The following SIX4 variants were observed in gnomAD, a reference collection of about 807,000 sequenced individuals.
SIX4 encodes homeobox protein SIX4.
A neutral mutation model predicts 51.5 loss-of-function variants in SIX4; 23 were observed. The ratio of observed to expected loss-of-function variants is 0.45; its 90% CI spans 0.32 to 0.63. SIX4 has a LOEUF of 0.63. Among genes scored for constraint, SIX4 ranks in the 30% least tolerant of loss-of-function variants. The pLI is 0.04. For missense variants in SIX4, 867 were observed against 984.0 expected (o/e 0.88, Z 1.59); for synonymous variants, 413 against 417.3 (o/e 0.99, Z 0.13).
rs1191060300 is a variant in SIX4, at chr14:60,711,449, T to C, written c.*1958A>G. The C allele has an allele frequency of 1.3e-5, 2 of 151,922 alleles. No homozygotes were observed. Among genetic ancestry groups the C allele is most frequent in the African/African-American group, 2.4e-5 (1 of 41,332 alleles). The allele number at this position is 151,922 out of a possible 1,614,324, so 9.4% of individuals were successfully genotyped here. On this transcript the variant is annotated 3_prime_UTR_variant, in exon 3 of 3. Coordinates refer to ENST00000216513, the MANE Select transcript of SIX4 (RefSeq NM_017420.5). ...ATTCAACATGCTTGATTGATTGACATGTAGAGAACTAGAGTGGGCCCTTTG... is the reference window on the plus strand; with the variant it reads ...ATTCAACATGCTTGATTGATTGACACGTAGAGAACTAGAGTGGGCCCTTTG...
At position 60,719,958 on chromosome 14, in the gene SIX4, T is replaced by G; in HGVS notation, c.1351A>C (p.Thr451Pro). Residue 451 changes from threonine (T) to proline (P), a missense_variant, in exon 2 of 3, where the codon ACT becomes CCT. Thr to Pro is a conservative substitution (Grantham distance 38, BLOSUM62 -1). Coordinates refer to ENST00000216513, the MANE Select transcript of SIX4 (RefSeq NM_017420.5). This position sits in a 1 kb window ranked among gnomAD's most constrained non-coding sequence, Gnocchi z 4.9. The stretch of plus-strand genomic sequence containing the variant: ...TGAATGCCTTCTCTTTTCACCTCAG[T>G]GCTGGGTATCAGGCCTGGGAATGAG... ...PVSFPGLIPS[T>P]EVKREGIQTV... The G allele has an allele frequency of 1.2e-6, 2 of 1,614,200 alleles. No homozygotes were observed. Among genetic ancestry groups the G allele is most frequent in the Non-Finnish European group, 1.7e-6 (2 of 1,180,036 alleles).
chr14:60,724,340 A>T lies in SIX4; in HGVS notation c.-266T>A. 3 of 1,456,822 alleles carry T rather than the reference A, an allele frequency of 2.1e-6. No homozygotes were observed. In the South Asian group the frequency reaches 3.6e-5, roughly 18 times the overall value. The allele number at this position is 1,456,822 out of a possible 1,614,324, so 90.2% of individuals were successfully genotyped here. A position where few individuals can be genotyped will look rare whatever the true frequency, so the allele number is the denominator to read the frequency against. On this transcript the variant is annotated 5_prime_UTR_variant, in exon 1 of 3. An upstream start codon of the reference 5' UTR is lost. Transcript: ENST00000216513. ...CCAACGTGACTCCTCCGGTTGCTGC[A>T]TACTATATGGCAGTGGCGGCCGGGC...
rs1037855528 is a variant in SIX4 at position 60,713,815 on chromosome 14, C to T, written c.1938G>A (p.Pro646=). The change falls in exon 3 of 3, where the codon CCG becomes CCA. Residue 646 remains proline, a synonymous_variant. Transcript: ENST00000216513. Reference sequence around the variant, plus strand: ...ATGTCACAGTAGATTTGCTTGCCACCGGTGCAGACATTGGTTGGCTATCGG... The same window carrying T: ...ATGTCACAGTAGATTTGCTTGCCACTGGTGCAGACATTGGTTGGCTATCGG... ...DIADSQPMSA[P]VASKSTVTSV... The T allele has an allele frequency of 8.7e-6, 14 of 1,614,008 alleles. No individual in the cohort carries two copies. The highest frequency in any genetic ancestry group is 1.3e-5 in the African/African-American group (1 of 74,896).
rs762466451 is a variant in SIX4 at position 60,724,054 on chromosome 14, G to A, written c.21C>T (p.Thr7=). The A allele has an allele frequency of 6.5e-7, 1 of 1,542,244 alleles. No individual in the cohort carries two copies. The highest frequency in any genetic ancestry group is 2.0e-5 in the Admixed American group (1 of 51,156). Residue 7 remains threonine, a synonymous_variant, in exon 1 of 3, where the codon ACC becomes ACT. Coordinates refer to ENST00000216513, the MANE Select transcript of SIX4 (RefSeq NM_017420.5). MSSSSP[T]GQIASAADIK... The stretch of plus-strand genomic sequence containing the variant: ...TGTCCGCCGCACTTGCGATCTGCCC[G>A]GTGGGGGAGGAAGAGGACATTTTTT...
chr14:60,721,804 G>A (rs1382158885), intron 1 of SIX4, among the ~76,000 whole-genome samples: 1 of 152,260 alleles, frequency 6.6e-6, no homozygotes, highest in Non-Finnish European at 1.5e-5. Context: ...GGGATCCGCG[G>A]CCTCTAGTGG....
At position 60,713,473 on chromosome 14, in the gene SIX4, T is replaced by C; in HGVS notation, c.2280A>G (p.Glu760=). ...GCTTGGCAAGCTCTTTTTTGTCTGT[T>C]TCCAGGTCTTCACAGACAGTATCAA... ...GMVDTVCEDL[E]TDKKELAKLQ... is the part of the protein sequence containing the mutation. Residue 760 remains glutamate (E), a synonymous_variant, in exon 3 of 3, where the codon GAA becomes GAG. Transcript: ENST00000216513. 1 of 1,614,192 alleles carries C rather than the reference T, an allele frequency of 6.2e-7. No individual in the cohort carries two copies.
rs1351922339 is a variant in SIX4 at position 60,713,530 on chromosome 14, G to A, written c.2223C>T (p.Asp741=). The A allele has an allele frequency of 5.6e-6, 9 of 1,614,086 alleles. No homozygotes were observed. In the African/African-American group the frequency reaches 8.0e-5, roughly 14 times the overall value. ...CATCTAAGACATACTTGGATTTAGA[G>A]TCCAGCATCATTAAGCTACTTGTTG... ...SKATSSLMML[D]SKSKYVLDGM... is the part of the protein sequence containing the mutation. Residue 741 remains aspartate (D), a synonymous_variant, in exon 3 of 3, where the codon GAC becomes GAT. Coordinates refer to ENST00000216513, the MANE Select transcript of SIX4 (RefSeq NM_017420.5).
chr14:60,722,908 A>C lies in SIX4; in HGVS notation c.863+304T>G. On this transcript the variant is annotated intron_variant, in intron 1 of 2. Transcript: ENST00000216513. The surrounding 1 kb of genome is among the most constrained non-coding windows in gnomAD (Gnocchi z 5.9). ...GGGTGGCAACTTCAAAGCCAGCGGG[A>C]TGGGGGTGGGAAGCTGGGCAGCAGT... is the stretch of plus-strand genomic sequence containing the variant. 8.1e-5 allele frequency: 21 copies of C among 257,740 alleles called. No individual in the cohort carries two copies. Among genetic ancestry groups the C allele is most frequent in the Admixed American group, 2.4e-4 (3 of 12,296 alleles). The allele number at this position is 257,740 out of a possible 1,614,324, so 16.0% of individuals were successfully genotyped here.
At chr14:60,721,145 C>G in intron 1 of SIX4, 1 of 985,636 alleles carries the variant, frequency 1.0e-6, no homozygotes, top group Non-Finnish European at 1.2e-6. Context: ...ATCCAGTGCC[C>G]TGGTGAGGTG....
Position 60,720,232 on chromosome 14 carries a change from A to G in SIX4, c.1077T>C (p.Thr359=). ...AATTTCCATTAAGGAAGACAGGTGA[A>G]GTACTTGCAGGTACCAAGCTTCCAT... The part of the protein sequence containing the change: ...LLNGSLVPAS[T]SPVFLNGNSF... Residue 359 remains threonine, a synonymous_variant, in exon 2 of 3, where the codon ACT becomes ACC. Transcript: ENST00000216513. The surrounding 1 kb of genome is among the most constrained non-coding windows in gnomAD (Gnocchi z 5.5). 1 of 1,614,250 alleles carries G rather than the reference A, an allele frequency of 6.2e-7. No homozygotes were observed. Among genetic ancestry groups the G allele is most frequent in the Middle Eastern group, 1.6e-4 (1 of 6,062 alleles).
In SIX4 at chr14:60,724,145, C is replaced by T; in HGVS notation, c.-71G>A. On this transcript the variant is annotated 5_prime_UTR_variant, in exon 1 of 3. Coordinates refer to ENST00000216513, the MANE Select transcript of SIX4 (RefSeq NM_017420.5). ...TTCCTCTTTCTTTCCTCCTCTCTTA[C>T]TCCTCCTCCTTCGTCTCCCTCCCTC... 6.2e-7 allele frequency: 1 copy of T among 1,606,258 alleles called. No individual in the cohort carries two copies. Among genetic ancestry groups the T allele is most frequent in the East Asian group, 2.2e-5 (1 of 44,792 alleles).
At position 60,720,425 on chromosome 14, in the gene SIX4, C is replaced by T; in HGVS notation, c.884G>A (p.Ser295Asn). ...QSKSESDGNP[S>N]TEDESSKGHE... ...TCCCTTGCTGGATTCATCTTCAGTG[C>T]TGGGGTTGCCATCTGACTCACTGTA... is the stretch of plus-strand genomic sequence containing the variant. Residue 295 changes from serine to asparagine, a missense_variant, in exon 2 of 3, where the codon AGC becomes AAC. By Grantham distance (46) the Ser-to-Asn change is conservative (BLOSUM62 1). Coordinates refer to ENST00000216513, the MANE Select transcript of SIX4 (RefSeq NM_017420.5). The surrounding 1 kb of genome is among the most constrained non-coding windows in gnomAD (Gnocchi z 5.5). 6.2e-7 allele frequency: 1 copy of T among 1,613,072 alleles called. No homozygotes were observed. The highest frequency in any genetic ancestry group is 8.5e-7 in the Non-Finnish European group (1 of 1,179,552).
At position 60,713,222 on chromosome 14, in the gene SIX4, A is replaced by C. The variant is rs1895853547; in HGVS notation, c.*185T>G. On this transcript the variant is annotated 3_prime_UTR_variant, in exon 3 of 3. Coordinates refer to ENST00000216513, the MANE Select transcript of SIX4 (RefSeq NM_017420.5). The stretch of plus-strand genomic sequence containing the variant: ...ATTTATAAGTGAACAAAAAGGCTGC[A>C]ATAATGCAGTTCTACTCCTGTATAC... 1.8e-6 allele frequency: 1 copy of C among 547,946 alleles called. No individual in the cohort carries two copies. Among genetic ancestry groups the C allele is most frequent in the East Asian group, 3.1e-5 (1 of 32,634 alleles). 33.9% of individuals were successfully genotyped at this position (547,946 alleles called of 1,614,324 possible). A position where few individuals can be genotyped will look rare whatever the true frequency, so the allele number is the denominator to read the frequency against.
In SIX4 at chr14:60,723,676, C is replaced by G; in HGVS notation, c.399G>C (p.Leu133=). The change falls in exon 1 of 3, where the codon CTG becomes CTC. Residue 133 remains leucine (L), a synonymous_variant. Transcript: ENST00000216513. ...GGNLDRLARF[L]WSLPQSDLLR... The stretch of plus-strand genomic sequence containing the variant: ...GCAGGTCGCTCTGGGGCAGGGACCA[C>G]AGGAACCGGGCCAGGCGGTCCAGGT... 1 of 1,578,958 alleles carries G rather than the reference C, an allele frequency of 6.3e-7. No homozygotes were observed. Among genetic ancestry groups the G allele is most frequent in the Non-Finnish European group, 8.6e-7 (1 of 1,163,978 alleles).
Position 60,722,089 on chromosome 14 carries a change from G to A in SIX4, c.863+1123C>T, listed in dbSNP as rs575277643. Reference sequence around the variant, plus strand: ...CTGGCGCAGGCGGGCTGGATCCCCGGCTCCCAGTTTGCTTCCCCGAGAAGA... The same window carrying A: ...CTGGCGCAGGCGGGCTGGATCCCCGACTCCCAGTTTGCTTCCCCGAGAAGA... On this transcript the variant is annotated intron_variant, in intron 1 of 2. Transcript: ENST00000216513. The surrounding 1 kb of genome is among the most constrained non-coding windows in gnomAD (Gnocchi z 5.9). Among the ~76,000 whole-genome samples the A allele has an allele frequency of 2.6e-5, 4 of 152,266 alleles. No homozygotes were observed. The South Asian group carries it at 8.3e-4, about 32-fold the overall frequency.
intron 2 of SIX4, among the ~76,000 whole-genome samples, chr14:60,715,729 T>G (rs1417294990): frequency 6.6e-6 from 1 of 152,194 alleles, no homozygotes; most frequent in Non-Finnish European, 1.5e-5. Flanking sequence ...AACACTCTTT[T>G]GTTCCTGATT....
chr14:60,724,226 G>A lies in SIX4; in HGVS notation c.-152C>T, dbSNP rs1268336442. 1 of 1,545,834 alleles carries A rather than the reference G, an allele frequency of 6.5e-7. No individual in the cohort carries two copies. The highest frequency in any genetic ancestry group is 8.7e-7 in the Non-Finnish European group (1 of 1,152,398). Reference sequence around the variant, plus strand: ...CTCCTGGTTTCGGCTGTATCTGGCCGATCAGGTTTCCCCCCGGCCACGCAG... The same window carrying A: ...CTCCTGGTTTCGGCTGTATCTGGCCAATCAGGTTTCCCCCCGGCCACGCAG... On this transcript the variant is annotated 5_prime_UTR_variant, in exon 1 of 3. Transcript: ENST00000216513.
At position 60,719,852 on chromosome 14, in the gene SIX4, A is replaced by T. The variant is rs761720723; in HGVS notation, c.1457T>A (p.Ile486Asn). The change falls in exon 2 of 3, where the codon ATC becomes AAC. Residue 486 changes from isoleucine (I) to asparagine (N), a missense_variant. By Grantham distance (149) the Ile-to-Asn change is moderately radical. Coordinates refer to ENST00000216513, the MANE Select transcript of SIX4 (RefSeq NM_017420.5). This position sits in a 1 kb window ranked among gnomAD's most constrained non-coding sequence, Gnocchi z 4.9. ...VQINQYGIVQ[I>N]PNSGANSQFL... ...CTGGCTGTTTGCTCCGGAATTGGGG[A>T]TCTGGACAATGCCATACTGGTTAAT... The T allele has an allele frequency of 1.1e-5, 17 of 1,614,058 alleles. No individual in the cohort carries two copies. In the African/African-American group the frequency reaches 2.1e-4, roughly 20 times the overall value.
At position 60,722,436 on chromosome 14, in the gene SIX4, G is replaced by A. The variant is rs1335477701; in HGVS notation, c.863+776C>T. ...GGAGGGAGCCAAGCAGCGTTCGGGG[G>A]CCGAGGGAGGAAGCAGCCCTTCAGC... is the stretch of plus-strand genomic sequence containing the variant. On this transcript the variant is annotated intron_variant, in intron 1 of 2. Transcript: ENST00000216513. The surrounding 1 kb of genome is among the most constrained non-coding windows in gnomAD (Gnocchi z 5.9). 6.6e-6 allele frequency among the ~76,000 whole-genome samples: 1 copy of A among 152,142 alleles called. No homozygotes were observed. The highest frequency in any genetic ancestry group is 1.5e-5 in the Non-Finnish European group (1 of 68,036).
Sources: allele counts gnomAD v4.1 joint callset (sites outside exome capture counted in the v4.1 genomes callset), GRCh38; gene constraint gnomAD v4.1.1; non-coding constraint Gnocchi (gnomAD v3.1); transcripts MANE v1.5; gene names NCBI Gene and HGNC (gene_info 2026-07-23, HGNC 2026-07-21).